The following ZPBP variants were observed in gnomAD, a reference collection of about 807,000 sequenced individuals.
The protein encoded by ZPBP is zona pellucida binding protein.
Under a neutral mutation model 44.8 loss-of-function variants are expected in ZPBP, and 26 were observed. That is an observed-to-expected ratio of 0.58 (90% confidence interval 0.43 to 0.81). The LOEUF (loss-of-function observed/expected upper bound fraction) is 0.81. ZPBP is among the 30% of genes least tolerant of loss of function. ZPBP has a pLI of 0.00. For missense variants in ZPBP, 409 were observed against 434.0 expected (o/e 0.94, Z 0.51); for synonymous variants, 174 against 153.2 (o/e 1.14, Z -1.00).
downstream of ZPBP, among the ~76,000 whole-genome samples, chr7:49,933,733 T>C (rs1433918056): frequency 6.6e-6 from 1 of 152,138 alleles, no homozygotes; most frequent in Non-Finnish European, 1.5e-5. Context: ...TAAAAAAGGA[T>C]GAGCTCATGT....
At chr7:49,932,170 A>G (rs545241186) in intron 1 of ZPBP, among the ~76,000 whole-genome samples, 3 of 152,218 alleles carry the variant, frequency 2.0e-5, no homozygotes, top group Admixed American at 2.0e-4. Context: ...GAGCCCCCAC[A>G]TGGAGTCCTC....
At chr7:50,074,409 A>G (rs965540304) in intron 3 of ZPBP, among the ~76,000 whole-genome samples, 1 of 151,988 alleles carries the variant, frequency 6.6e-6, no homozygotes, top group Non-Finnish European at 1.5e-5. Context: ...AAATGGCAGG[A>G]GGAAGTCCTT....
downstream of ZPBP, among the ~76,000 whole-genome samples, chr7:49,936,692 TAA>T (rs1304444033): frequency 1.1e-4 from 17 of 152,346 alleles, no homozygotes; most frequent in African/African-American, 4.1e-4. Context: ...TCCTAGAATT[TAA>T]GTCTTTTAAT....
chr7:50,085,294 G>T (rs1017965841), intron 2 of ZPBP, among the ~76,000 whole-genome samples: 3 of 152,216 alleles, frequency 2.0e-5, no homozygotes, highest in East Asian at 1.9e-4. Context: ...TTTGATTTTT[G>T]ATTTCTAGCC....
At position 49,877,495 on chromosome 7, in the gene ZPBP, T is replaced by A. The variant is rs865952869; in HGVS notation, n.509+23623A>T. ...AAAAAAAAAAAAATATATATATATA[T>A]ATATATATATATATATATATATAGT... is the stretch of plus-strand genomic sequence containing the variant. On this transcript the variant is annotated intron_variant and non_coding_transcript_variant, in intron 2 of 2. Coordinates refer to the ZPBP transcript ENST00000465922. Among the ~76,000 whole-genome samples the A allele has an allele frequency of 6.5e-3, 468 of 71,844 alleles. 74 individuals carry two copies. Among genetic ancestry groups the A allele is most frequent in the African/African-American group, 0.021 (366 of 17,640 alleles). The allele number at this position is 71,844 out of a possible 152,430, so 47.1% of individuals were successfully genotyped here. A position where few individuals can be genotyped will look rare whatever the true frequency, so the allele number is the denominator to read the frequency against.
intron 7 of ZPBP, among the ~76,000 whole-genome samples, chr7:49,981,436 T>A (rs1287658426): frequency 1.6e-4 from 8 of 50,176 alleles, no homozygotes; most frequent in East Asian, 7.8e-4. Flanking sequence ...AAAATATATA[T>A]AATATATATT....
intron 3 of ZPBP, among the ~76,000 whole-genome samples, chr7:50,076,641 CCA>C (rs1802096523): frequency 1.3e-5 from 2 of 151,296 alleles, no homozygotes; most frequent in African/African-American, 4.8e-5. Flanking sequence ...AAAAGTAATC[CCA>C]TTTACAACAG....
intron 6 of ZPBP, among the ~76,000 whole-genome samples, chr7:50,007,228 AT>A (rs1327930033): frequency 1.3e-5 from 2 of 152,064 alleles, no homozygotes; most frequent in African/African-American, 4.8e-5. Context: ...TTTCTAAGGT[AT>A]TTTTATAGCA....
intron 1 of ZPBP, among the ~76,000 whole-genome samples, chr7:49,928,639 C>T (rs960302794): frequency 2.4e-4 from 37 of 152,146 alleles, no homozygotes; most frequent in Non-Finnish European, 3.8e-4. Flanking sequence ...GTGGCAGGAA[C>T]GGAAACCATG....
chr7:49,908,723 T>C (rs892073739), intron 1 of ZPBP, among the ~76,000 whole-genome samples: 2 of 152,094 alleles, frequency 1.3e-5, no homozygotes, highest in African/African-American at 4.8e-5. Context: ...CAAGATCAGC[T>C]GAAGATATCT....
chr7:49,913,489 ATGTC>A (rs1246516488), intron 1 of ZPBP: 1 of 152,242 alleles, frequency 6.6e-6, no homozygotes, highest in African/African-American at 2.4e-5. Flanking sequence ...ATCACTATTA[ATGTC>A]TTTAAAGGAT....
chr7:49,967,735 G>C (rs1796119092), intron 7 of ZPBP, among the ~76,000 whole-genome samples: 2 of 152,060 alleles, frequency 1.3e-5, no homozygotes, highest in Non-Finnish European at 2.9e-5. Context: ...TAGTAGAGAT[G>C]GGGTTTCTCC....
intron 6 of ZPBP, among the ~76,000 whole-genome samples, chr7:49,995,995 A>G (rs150368800): frequency 2.4e-4 from 36 of 152,340 alleles, no homozygotes; most frequent in East Asian, 1.5e-3. Flanking sequence ...AATGCATTTT[A>G]TATTTCAAAA....
At chr7:49,877,507 T>TATATATATATATATATAG (rs1349966764) in intron 2 of ZPBP, among the ~76,000 whole-genome samples, 19 of 90,304 alleles carry the variant, frequency 2.1e-4, no homozygotes, top group Admixed American at 3.5e-4. Flanking sequence ...TATATATATA[T>TATATATATATATATATAG]ATATATATAT....
At chr7:49,855,240 C>A (rs965670853) in intron 2 of ZPBP, among the ~76,000 whole-genome samples, 2 of 152,152 alleles carry the variant, frequency 1.3e-5, no homozygotes, top group African/African-American at 4.8e-5. Flanking sequence ...ATATGTTTTA[C>A]AATAAATGGT....
intron 2 of ZPBP, among the ~76,000 whole-genome samples, chr7:49,887,584 T>TCAGATGTCAATGG (rs1349046074): frequency 6.6e-6 from 1 of 152,214 alleles, no homozygotes; most frequent in Non-Finnish European, 1.5e-5. Context: ...TGTATGATAA[T>TCAGATGTCAATGG]CAGATGTCAA....
intron 7 of ZPBP, among the ~76,000 whole-genome samples, chr7:49,959,265 C>CAAA (rs60383665): frequency 1.4e-5 from 2 of 142,080 alleles, no homozygotes; most frequent in Non-Finnish European, 3.1e-5. Context: ...TAAAGCAAGC[C>CAAA]AAAAAAAAAA....
At chr7:50,028,669 A>T (rs1370089386) in intron 5 of ZPBP, among the ~76,000 whole-genome samples, 6 of 152,122 alleles carry the variant, frequency 3.9e-5, no homozygotes, top group Non-Finnish European at 7.4e-5. Flanking sequence ...AAAAAAAAAA[A>T]AACCCAGTGT....
Position 50,061,167 on chromosome 7 carries a change from T to C in ZPBP, c.335-3026A>G, listed in dbSNP as rs1801215724. On this transcript the variant is annotated intron_variant, in intron 3 of 7. Transcript: ENST00000046087. Reference sequence around the variant, plus strand: ...GGCATCAAAGGAACATACCTCAACATAATAATAGCCATGTGTGACAAACCC... The same window carrying C: ...GGCATCAAAGGAACATACCTCAACACAATAATAGCCATGTGTGACAAACCC... Among the ~76,000 whole-genome samples the C allele has an allele frequency of 2.0e-5, 3 of 152,068 alleles. No individual in the cohort carries two copies. The South Asian group carries it at 6.2e-4, about 32-fold the overall frequency.
Sources: allele counts gnomAD v4.1 joint callset (sites outside exome capture counted in the v4.1 genomes callset), GRCh38; gene constraint gnomAD v4.1.1; transcripts MANE v1.5; gene names NCBI Gene and HGNC (gene_info 2026-07-23, HGNC 2026-07-21).